Variants in AIG1 observed in about 807,000 individuals in gnomAD.
The protein encoded by AIG1 is androgen induced 1, also known as androgen-induced gene 1 protein.
Under a neutral mutation model 31.4 loss-of-function variants are expected in AIG1, and 23 were observed. That is an observed-to-expected ratio of 0.73 (90% CI 0.53 to 1.04). AIG1 has a LOEUF of 1.04. AIG1 is among the 50% of genes least tolerant of loss of function. The pLI, the probability that AIG1 is intolerant of heterozygous loss-of-function variation, is 0.00. For missense variants in AIG1, 274 were observed against 295.0 expected (o/e 0.93, Z 0.52); for synonymous variants, 100 against 110.5 (o/e 0.90, Z 0.60).
intron 3 of AIG1, among the ~76,000 whole-genome samples, chr6:143,196,235 A>G (rs1364444169): frequency 6.6e-6 from 1 of 152,196 alleles, no homozygotes; most frequent in African/African-American, 2.4e-5. Flanking sequence ...TTGCAGAAAA[A>G]TGGGAAAAAG....
At chr6:143,275,297 C>T (rs1044716605) in intron 3 of AIG1, among the ~76,000 whole-genome samples, 7 of 152,158 alleles carry the variant, frequency 4.6e-5, no homozygotes, top group Middle Eastern at 3.4e-3. Context: ...GAGAGGGGAG[C>T]GACTTGACAG....
chr6:143,103,501 CTTTTT>C (rs1173435325), intron 1 of AIG1, among the ~76,000 whole-genome samples: 2 of 84,206 alleles, frequency 2.4e-5, no homozygotes, highest in Admixed American at 2.8e-4. Context: ...CAGAAGTTTT[CTTTTT>C]TTTTTTTTTT....
At chr6:143,294,169 A>G (rs746896713) in intron 4 of AIG1, among the ~76,000 whole-genome samples, 5 of 152,126 alleles carry the variant, frequency 3.3e-5, no homozygotes, top group Non-Finnish European at 7.4e-5. Context: ...ATTCATGCCC[A>G]TCACTTCATT....
Position 143,338,185 on chromosome 6 carries a change from G to A in AIG1, c.680-1454G>A, listed in dbSNP as rs2128726989. 1 of 396,034 alleles carries A rather than the reference G, an allele frequency of 2.5e-6. No individual in the cohort carries two copies. Among genetic ancestry groups the A allele is most frequent in the African/African-American group, 2.1e-5 (1 of 48,726 alleles). The allele number at this position is 396,034 out of a possible 1,614,324, so 24.5% of individuals were successfully genotyped here. On this transcript the variant is annotated intron_variant, in intron 5 of 5. Coordinates refer to ENST00000357847, the MANE Select transcript of AIG1 (RefSeq NM_016108.4). The surrounding 1 kb of genome is among the most constrained non-coding windows in gnomAD (Gnocchi z 4.3). Reference sequence around the variant, plus strand: ...CTCCACAGGAGAGGGAATATGGACAGAGCTGAGGTTCAAGACACATGTGCT... The same window carrying A: ...CTCCACAGGAGAGGGAATATGGACAAAGCTGAGGTTCAAGACACATGTGCT...
intron 2 of AIG1, among the ~76,000 whole-genome samples, chr6:143,144,889 G>A (rs1562423743): frequency 6.6e-6 from 1 of 152,200 alleles, no homozygotes; most frequent in Non-Finnish European, 1.5e-5. Flanking sequence ...AGCATTAGGA[G>A]CAGTGTCTAA....
At chr6:143,109,398 G>T (rs1012657889) in intron 1 of AIG1, among the ~76,000 whole-genome samples, 1 of 152,124 alleles carries the variant, frequency 6.6e-6, no homozygotes. Context: ...GACTTACTGG[G>T]TTATAGAGTC....
intron 1 of AIG1, among the ~76,000 whole-genome samples, chr6:143,122,099 A>G (rs1038807727): frequency 4.6e-5 from 7 of 152,146 alleles, no homozygotes; most frequent in Non-Finnish European, 7.4e-5. Context: ...TTAGATTTGT[A>G]AATTTTGTTT....
At chr6:143,337,933 C>T (rs1238212301) in intron 5 of AIG1, 3 of 398,552 alleles carry the variant, frequency 7.5e-6, no homozygotes, top group Non-Finnish European at 1.3e-5. Context: ...CTGGTTCTTG[C>T]AAACATTATT....
At chr6:143,281,801 A>T (rs1413095788) in intron 3 of AIG1, among the ~76,000 whole-genome samples, 2 of 152,216 alleles carry the variant, frequency 1.3e-5, no homozygotes, top group African/African-American at 4.8e-5. Context: ...AGCTGTTATG[A>T]CATAGAAAAA....
chr6:143,235,239 G>C (rs1793723983), intron 3 of AIG1, among the ~76,000 whole-genome samples: 1 of 152,140 alleles, frequency 6.6e-6, no homozygotes, highest in Admixed American at 6.5e-5. Context: ...CATCAAATGA[G>C]ATGCTTTGAG....
intron 3 of AIG1, among the ~76,000 whole-genome samples, chr6:143,273,887 C>G (rs1796712877): frequency 6.6e-6 from 1 of 152,082 alleles, no homozygotes; most frequent in Non-Finnish European, 1.5e-5. Context: ...CACAGCCAAA[C>G]CATATCAGTT....
chr6:143,133,068 T>C (rs1238466433), intron 1 of AIG1, among the ~76,000 whole-genome samples: 1 of 152,174 alleles, frequency 6.6e-6, no homozygotes, highest in African/African-American at 2.4e-5. Flanking sequence ...TGGTTAAGGA[T>C]ATTTTTCTAC....
chr6:143,214,179 T>C (rs1313597502), intron 3 of AIG1, among the ~76,000 whole-genome samples: 2 of 152,200 alleles, frequency 1.3e-5, no homozygotes, highest in East Asian at 3.9e-4. Flanking sequence ...TCAAGATATG[T>C]TACTGCCAAA....
At chr6:143,129,633 G>C (rs902566794) in intron 1 of AIG1, among the ~76,000 whole-genome samples, 1 of 151,892 alleles carries the variant, frequency 6.6e-6, no homozygotes, top group Non-Finnish European at 1.5e-5. Context: ...TTGTTTTTTC[G>C]CTCTCCTAGA....
At chr6:143,147,422 G>A (rs1583321738) in intron 2 of AIG1, among the ~76,000 whole-genome samples, 1 of 152,102 alleles carries the variant, frequency 6.6e-6, no homozygotes, top group East Asian at 1.9e-4. Flanking sequence ...TGATCCTAAG[G>A]ACATCTCCCC....
chr6:143,142,731 GT>G (rs1445266074), intron 2 of AIG1, among the ~76,000 whole-genome samples: 1 of 152,146 alleles, frequency 6.6e-6, no homozygotes, highest in Non-Finnish European at 1.5e-5. Context: ...TTATAATCAT[GT>G]CTTGTAAAGA....
At position 143,108,125 on chromosome 6, in the gene AIG1, TA is replaced by T. The variant is rs1448532434; in HGVS notation, c.142-28709del. Reference sequence around the variant, plus strand: ...TAGTTTTAGAATATAGGCAAGGTCTTACCCTATGTAACAGAAGCGACTCTGC... The same window carrying T: ...TAGTTTTAGAATATAGGCAAGGTCTTCCCTATGTAACAGAAGCGACTCTGC... On this transcript the variant is annotated intron_variant, in intron 1 of 5. Coordinates refer to ENST00000357847, the MANE Select transcript of AIG1 (RefSeq NM_016108.4). Among the ~76,000 whole-genome samples, 7 of 151,604 alleles carry T rather than the reference TA, an allele frequency of 4.6e-5. No individual in the cohort carries two copies. In the East Asian group the frequency reaches 9.8e-4, roughly 21 times the overall value.
intron 1 of AIG1, among the ~76,000 whole-genome samples, chr6:143,082,938 C>T (rs139434589): frequency 6.6e-6 from 1 of 152,200 alleles, no homozygotes; most frequent in Non-Finnish European, 1.5e-5. Context: ...TGGGTATTGG[C>T]TTTCTGAGTT....
intron 1 of AIG1, among the ~76,000 whole-genome samples, chr6:143,106,024 A>G (rs1780772365): frequency 6.6e-6 from 1 of 152,208 alleles, no homozygotes; most frequent in Non-Finnish European, 1.5e-5. Context: ...TCTAAAATTC[A>G]TGTTGAGTTC....
Sources: gnomAD v4.1 joint callset for allele counts (sites outside exome capture counted in the v4.1 genomes callset) on GRCh38, gnomAD v4.1.1 for gene constraint, Gnocchi (gnomAD v3.1) non-coding constraint, MANE v1.5 for transcripts, NCBI Gene and HGNC (gene_info 2026-07-23, HGNC 2026-07-21) for gene names.